Variants in IRAG1 observed in about 807,000 individuals in gnomAD.
IRAG1 encodes the protein IP3R-associated cGMP kinase substrate.
In IRAG1, 62 loss-of-function variants were observed where a neutral mutation model predicts 106.2. That is an observed-to-expected ratio of 0.58 (90% CI 0.48 to 0.72). IRAG1 has a LOEUF of 0.72. Ranked by LOEUF, IRAG1 falls within the 30% of genes least tolerant of loss-of-function variation. IRAG1 has a pLI of 0.00. For missense variants in IRAG1, 1,064 were observed against 1,140.7 expected (o/e 0.93, Z 0.97); for synonymous variants, 462 against 443.9 (o/e 1.04, Z -0.51).
At chr11:10,649,965 C>A (rs1858332155) in intron 2 of IRAG1, among the ~76,000 whole-genome samples, 1 of 152,204 alleles carries the variant, frequency 6.6e-6, no homozygotes, top group African/African-American at 2.4e-5. Flanking sequence ...TTTGCAGGTA[C>A]TGATAGCTTC....
At chr11:10,604,069 C>T (rs959776286) in intron 13 of IRAG1, among the ~76,000 whole-genome samples, 22 of 151,740 alleles carry the variant, frequency 1.4e-4, no homozygotes, top group Non-Finnish European at 5.9e-5. Context: ...GTGGCCTCTG[C>T]AGGGCCTGGG....
chr11:10,621,885 G>A (rs1035807908), intron 10 of IRAG1, among the ~76,000 whole-genome samples: 8 of 152,172 alleles, frequency 5.3e-5, no homozygotes, highest in Non-Finnish European at 1.2e-4. Context: ...CCATTTCTAG[G>A]AGGGATCTAG....
intron 1 of IRAG1, among the ~76,000 whole-genome samples, chr11:10,675,777 C>A (rs1860605123): frequency 6.6e-6 from 1 of 152,194 alleles, no homozygotes. Flanking sequence ...TTATTCAGCG[C>A]CTTCCTAAGA....
At position 10,593,486 on chromosome 11, in the gene IRAG1, A is replaced by G; in HGVS notation, c.2175+6T>C. The G allele has an allele frequency of 6.2e-7, 1 of 1,607,132 alleles. No homozygotes were observed. Among genetic ancestry groups the G allele is most frequent in the Non-Finnish European group, 8.5e-7 (1 of 1,173,778 alleles). On this transcript the variant is annotated splice_donor_region_variant and intron_variant, in intron 17 of 20. Coordinates refer to ENST00000423302, the MANE Select transcript of IRAG1 (RefSeq NM_130385.4). ...TGTGCTGGGAGGCAGACATCGTCAT[A>G]CTTACCAAGGCTGGTAAGGAGGGAA...
chr11:10,588,169 C>T (rs1591552181), intron 18 of IRAG1, among the ~76,000 whole-genome samples: 2 of 152,140 alleles, frequency 1.3e-5, no homozygotes, highest in African/African-American at 2.4e-5. Flanking sequence ...GTCATCAGTG[C>T]TGTAAATAGT....
At chr11:10,581,674 C>A (rs769913608) in intron 19 of IRAG1, among the ~76,000 whole-genome samples, 193 bp downstream of exon 19, 3 of 152,148 alleles carry the variant, frequency 2.0e-5, no homozygotes, top group Non-Finnish European at 1.5e-5. Flanking sequence ...TCTAACCACA[C>A]CCTCTGACCC....
Position 10,575,996 on chromosome 11 carries a change from C to T in IRAG1, c.*336G>A. The T allele has an allele frequency of 9.9e-6, 3 of 301,998 alleles. No homozygotes were observed. The highest frequency in any genetic ancestry group is 1.9e-5 in the Non-Finnish European group (3 of 156,996). The allele number at this position is 301,998 out of a possible 1,614,324, so 18.7% of individuals were successfully genotyped here. A position where few individuals can be genotyped will look rare whatever the true frequency, so the allele number is the denominator to read the frequency against. On this transcript the variant is annotated 3_prime_UTR_variant, in exon 21 of 21. Coordinates refer to ENST00000423302, the MANE Select transcript of IRAG1 (RefSeq NM_130385.4). ...CCCCTACCTCCTCCTCCCCCGTGCCCCGCTCCTTACCCCCAACCACCAGTG... is the reference window on the plus strand; with the variant it reads ...CCCCTACCTCCTCCTCCCCCGTGCCTCGCTCCTTACCCCCAACCACCAGTG...
chr11:10,597,407 C>G (rs1853448637), intron 15 of IRAG1, among the ~76,000 whole-genome samples: 1 of 152,202 alleles, frequency 6.6e-6, no homozygotes, highest in Admixed American at 6.5e-5. Flanking sequence ...CTCACTGAAG[C>G]CTTGACTTCC....
At chr11:10,632,974 T>C (rs1461230179) in intron 3 of IRAG1, among the ~76,000 whole-genome samples, 1 of 152,250 alleles carries the variant, frequency 6.6e-6, no homozygotes, top group Non-Finnish European at 1.5e-5. Context: ...ACCGGCTTTG[T>C]TATCCAGATG....
At chr11:10,582,654 G>A (rs914415547) in intron 18 of IRAG1, among the ~76,000 whole-genome samples, 2 of 152,308 alleles carry the variant, frequency 1.3e-5, no homozygotes, top group East Asian at 3.9e-4. Flanking sequence ...GAAGTCAGAT[G>A]TATTAATAGC....
In IRAG1 at chr11:10,680,516, A is replaced by AAAGGAAGAAAGGAAGAAAGGAAGG. The variant is rs1554935769; in HGVS notation, c.67+13019_67+13020insCCTTCCTTTCTTCCTTTCTTCCTT. Among the ~76,000 whole-genome samples the AAAGGAAGAAAGGAAGAAAGGAAGG allele has an allele frequency of 6.7e-4, 90 of 133,506 alleles. 1 individual carries two copies. The highest frequency in any genetic ancestry group is 2.4e-3 in the African/African-American group (71 of 29,334). The allele number at this position is 133,506 out of a possible 152,430, so 87.6% of individuals were successfully genotyped here. A position where few individuals can be genotyped will look rare whatever the true frequency, so the allele number is the denominator to read the frequency against. On this transcript the variant is annotated intron_variant, in intron 1 of 20. Transcript: ENST00000423302. ...GAGAAAGAGAGAGAAAGGGAAAAAG[A>AAAGGAAGAAAGGAAGAAAGGAAGG]AAGGAAGAAAGGAAGGAAGGAAGGG...
intron 1 of IRAG1, among the ~76,000 whole-genome samples, chr11:10,663,752 GC>G (rs1282922032): frequency 3.9e-5 from 6 of 152,188 alleles, no homozygotes; most frequent in African/African-American, 1.4e-4. Flanking sequence ...TCTTTTGAAA[GC>G]AAGGACTCTA....
chr11:10,683,650 T>C (rs1861438956), intron 1 of IRAG1, among the ~76,000 whole-genome samples: 1 of 152,106 alleles, frequency 6.6e-6, no homozygotes, highest in Non-Finnish European at 1.5e-5. Flanking sequence ...AAGGGACCAG[T>C]AGGGGATGGG....
rs1389104054 is a variant in IRAG1 at position 10,629,423 on chromosome 11, G to A, written c.574+115C>T. The A allele has an allele frequency of 5.6e-6, 6 of 1,070,974 alleles. No individual in the cohort carries two copies. The Admixed American group carries it at 1.6e-4, about 29-fold the overall frequency. 66.3% of individuals were successfully genotyped at this position (1,070,974 alleles called of 1,614,324 possible). A position where few individuals can be genotyped will look rare whatever the true frequency, so the allele number is the denominator to read the frequency against. ...TCCTGACCTCTGCTGAGGAGAGCAG[G>A]TGAGTCCAAGGCGACCTCCTCGGAG... is the stretch of plus-strand genomic sequence containing the variant. On this transcript the variant is annotated intron_variant, in intron 5 of 20. Coordinates refer to ENST00000423302, the MANE Select transcript of IRAG1 (RefSeq NM_130385.4).
At chr11:10,692,685 C>T (rs926667587) in intron 1 of IRAG1, among the ~76,000 whole-genome samples, 3 of 152,190 alleles carry the variant, frequency 2.0e-5, no homozygotes, top group Admixed American at 6.5e-5. Context: ...CAGCAGCTGC[C>T]GAGCTCTGGG....
intron 8 of IRAG1, 104 bp downstream of exon 8, chr11:10,627,612 T>C: frequency 1.6e-6 from 2 of 1,220,048 alleles, no homozygotes; most frequent in East Asian, 2.3e-5. Context: ...CTCATACGTG[T>C]GCATGCACAC....
chr11:10,620,177 T>C (rs931825851), intron 10 of IRAG1, among the ~76,000 whole-genome samples: 2 of 152,058 alleles, frequency 1.3e-5, no homozygotes, highest in East Asian at 3.8e-4. Flanking sequence ...GTGTTTTTAA[T>C]AGAGAAAAAA....
At chr11:10,662,733 T>G (rs2135029610) in intron 1 of IRAG1, among the ~76,000 whole-genome samples, 1 of 152,272 alleles carries the variant, frequency 6.6e-6, no homozygotes, top group East Asian at 1.9e-4. Context: ...CCGGGAGGCT[T>G]TGCAAGGTGG....
chr11:10,690,422 C>G (rs1348484903), intron 1 of IRAG1: 14 of 1,284,064 alleles, frequency 1.1e-5, no homozygotes, highest in Admixed American at 4.7e-5. Flanking sequence ...TGCTTTCCAC[C>G]TCCCTTGGAG....
Sources: allele counts gnomAD v4.1 joint callset (sites outside exome capture counted in the v4.1 genomes callset), GRCh38; gene constraint gnomAD v4.1.1; transcripts MANE v1.5; gene names NCBI Gene and HGNC (gene_info 2026-07-23, HGNC 2026-07-21).